Variants in MBTD1 observed in about 807,000 individuals in gnomAD.
The protein encoded by MBTD1 is mbt domain containing 1.
In MBTD1, 24 loss-of-function variants were observed where a neutral mutation model predicts 87.8. The ratio of observed to expected loss-of-function variants is 0.27; its 90% CI spans 0.20 to 0.38. The LOEUF is 0.38. Among genes scored for constraint, MBTD1 ranks in the 10% least tolerant of loss-of-function variants. The pLI, the probability that MBTD1 is intolerant of heterozygous loss-of-function variation, is 1.00. For synonymous variants in MBTD1, 237 were observed against 248.6 expected (o/e 0.95, Z 0.44); for missense variants, 436 against 760.2 (o/e 0.57, Z 5.02).
intron 3 of MBTD1, among the ~76,000 whole-genome samples, chr17:51,221,951 G>C (rs1368707909): frequency 6.6e-6 from 1 of 152,122 alleles, no homozygotes; most frequent in Non-Finnish European, 1.5e-5. Flanking sequence ...AGATAAAAAT[G>C]CCAGAAGATT....
chr17:51,228,854 C>A (rs192693789), intron 2 of MBTD1, among the ~76,000 whole-genome samples: 3 of 136,986 alleles, frequency 2.2e-5, no homozygotes, highest in Admixed American at 7.9e-5. Flanking sequence ...GCTGAGATGG[C>A]GCCACTGTAC....
chr17:51,192,641 G>A (rs1246130889), intron 15 of MBTD1, 141 bp downstream of exon 15: 4 of 1,431,124 alleles, frequency 2.8e-6, no homozygotes, highest in African/African-American at 1.4e-5. Flanking sequence ...TATTGTTGTT[G>A]AGTCTTAATG....
At chr17:51,213,328 G>A (rs2052367443) in intron 6 of MBTD1, among the ~76,000 whole-genome samples, 1 of 152,142 alleles carries the variant, frequency 6.6e-6, no homozygotes, top group Non-Finnish European at 1.5e-5. Context: ...CACTGCTCTT[G>A]GCTAGAGTGC....
intron 12 of MBTD1, among the ~76,000 whole-genome samples, chr17:51,197,805 C>G (rs2051225051): frequency 6.6e-6 from 1 of 152,140 alleles, no homozygotes; most frequent in South Asian, 2.1e-4. Flanking sequence ...CCACACCCAG[C>G]CTACTCTTAA....
chr17:51,190,007 T>C (rs545839571), intron 16 of MBTD1, among the ~76,000 whole-genome samples: 1 of 152,222 alleles, frequency 6.6e-6, no homozygotes, highest in African/African-American at 2.4e-5. Context: ...AGGTTGCTAC[T>C]TGTGTGTGGC....
intron 12 of MBTD1, among the ~76,000 whole-genome samples, chr17:51,196,717 C>A (rs1712180058): frequency 6.6e-6 from 1 of 151,490 alleles, no homozygotes; most frequent in Admixed American, 6.6e-5. Flanking sequence ...ATGGCGAAAC[C>A]CAGTCTCTAC....
chr17:51,186,786 C>A (rs1202945322), intron 16 of MBTD1, among the ~76,000 whole-genome samples: 2 of 150,064 alleles, frequency 1.3e-5, no homozygotes, highest in East Asian at 2.0e-4. Context: ...AAAAAAAAAA[C>A]CAAAACAAAA....
chr17:51,179,998 TACAA>T lies in MBTD1; in HGVS notation c.*574_*577del, dbSNP rs2050246441. The T allele has an allele frequency of 1.3e-5, 2 of 152,180 alleles. No individual in the cohort carries two copies. Among genetic ancestry groups the T allele is most frequent in the South Asian group, 4.1e-4 (2 of 4,832 alleles). The allele number at this position is 152,180 out of a possible 1,614,324, so 9.4% of individuals were successfully genotyped here. On this transcript the variant is annotated 3_prime_UTR_variant, in exon 17 of 17. Coordinates refer to ENST00000586178, the MANE Select transcript of MBTD1 (RefSeq NM_017643.3). The stretch of plus-strand genomic sequence containing the variant: ...TTTCACAGAATGAAAAATATTTCTG[TACAA>T]ACATTTAAAATGGGCTGCAATAAAA...
intron 2 of MBTD1, among the ~76,000 whole-genome samples, chr17:51,244,105 TTGAAA>T (rs2054299560): frequency 1.3e-5 from 2 of 152,222 alleles, no homozygotes; most frequent in Admixed American, 6.5e-5. Flanking sequence ...GGGACACACT[TTGAAA>T]TATGACCACA....
In MBTD1 at chr17:51,203,788, T is replaced by G; in HGVS notation, c.739+3A>C. On this transcript the variant is annotated splice_donor_region_variant and intron_variant, in intron 8 of 16. Transcript: ENST00000586178. Reference sequence around the variant, plus strand: ...TTACGGTAAGGGTAAATAAACTACTTACTTCTAGGAGGAACAAGAGGTTTT... The same window carrying G: ...TTACGGTAAGGGTAAATAAACTACTGACTTCTAGGAGGAACAAGAGGTTTT... 6.2e-7 allele frequency: 1 copy of G among 1,606,008 alleles called. No homozygotes were observed. Among genetic ancestry groups the G allele is most frequent in the Non-Finnish European group, 8.5e-7 (1 of 1,178,120 alleles).
intron 7 of MBTD1, among the ~76,000 whole-genome samples, chr17:51,204,647 C>T (rs573193514): frequency 2.8e-4 from 43 of 152,084 alleles, no homozygotes; most frequent in Admixed American, 1.1e-3. Context: ...GGATTACAGG[C>T]GTGCGCCACC....
intron 6 of MBTD1, among the ~76,000 whole-genome samples, chr17:51,212,848 C>T (rs1355291970): frequency 1.3e-5 from 2 of 152,116 alleles, no homozygotes; most frequent in African/African-American, 4.8e-5. Flanking sequence ...CCTCCACCTT[C>T]CGGTTTCAAG....
chr17:51,219,151 T>C (rs994315794), intron 4 of MBTD1, 107 bp from the exon 5 acceptor site: 2 of 610,380 alleles, frequency 3.3e-6, no homozygotes, highest in African/African-American at 3.7e-5. Flanking sequence ...ATTGAGGGTT[T>C]AGAAAATTAT....
intron 6 of MBTD1, among the ~76,000 whole-genome samples, chr17:51,212,769 T>C (rs192457900): frequency 1.2e-3 from 176 of 152,358 alleles, no homozygotes; most frequent in African/African-American, 3.9e-3. Context: ...TATCTATTTA[T>C]TTTTGAGATG....
intron 2 of MBTD1, among the ~76,000 whole-genome samples, chr17:51,247,083 A>C (rs1184632820): frequency 6.6e-6 from 1 of 152,190 alleles, no homozygotes; most frequent in Non-Finnish European, 1.5e-5. Context: ...GTACATGTGC[A>C]TATGTGTGTA....
chr17:51,209,471 A>G (rs2052043076), intron 6 of MBTD1: 1 of 471,004 alleles, frequency 2.1e-6, no homozygotes, highest in Admixed American at 2.3e-5. Context: ...GGACATGGCC[A>G]AATCCAAATG....
At chr17:51,238,747 G>A (rs984782423) in intron 2 of MBTD1, among the ~76,000 whole-genome samples, 1 of 152,212 alleles carries the variant, frequency 6.6e-6, no homozygotes, top group Admixed American at 6.5e-5. Context: ...CTGGGAAGCT[G>A]TAAATACTAT....
chr17:51,190,747 A>AG (rs1183249410), intron 16 of MBTD1, among the ~76,000 whole-genome samples: 1 of 116,364 alleles, frequency 8.6e-6, no homozygotes, highest in African/African-American at 3.7e-5. Flanking sequence ...AAAAAAAAAA[A>AG]AAAATATATA....
intron 6 of MBTD1, among the ~76,000 whole-genome samples, chr17:51,214,307 C>T (rs2079883): frequency 0.51 from 78,025 of 151,748 alleles, 20,366 homozygotes; most frequent in South Asian, 0.65. Flanking sequence ...TTGATTTCCA[C>T]TGCCGATTAT....
Sources: gnomAD v4.1 joint callset for allele counts (sites outside exome capture counted in the v4.1 genomes callset) on GRCh38, gnomAD v4.1.1 for gene constraint, MANE v1.5 for transcripts, NCBI Gene and HGNC (gene_info 2026-07-23, HGNC 2026-07-21) for gene names.